The following RREB1 variants were observed in gnomAD, a reference collection of about 807,000 sequenced individuals.
RREB1 encodes ras-responsive element-binding protein 1.
Under a neutral mutation model 117.8 loss-of-function variants are expected in RREB1, and 27 were observed. The ratio of observed to expected loss-of-function variants is 0.23; its 90% confidence interval spans 0.17 to 0.32. RREB1 has a LOEUF of 0.32. Ranked by LOEUF, RREB1 falls within the 10% of genes least tolerant of loss-of-function variation. The pLI is 1.00. For missense variants in RREB1, 2,577 were observed against 2,378.2 expected (o/e 1.08, Z -1.74); for synonymous variants, 1,298 against 1,026.7 (o/e 1.26, Z -5.05).
intron 1 of RREB1, among the ~76,000 whole-genome samples, chr6:7,152,571 GTGTTTACCTTTTTTTTC>G (rs1343929377): frequency 1.3e-5 from 2 of 152,170 alleles, no homozygotes; most frequent in African/African-American, 4.8e-5. Context: ...CATCACATGA[GTGTTTACCTTTTTTTTC>G]CTTTCCTTTT....
intron 1 of RREB1, among the ~76,000 whole-genome samples, chr6:7,173,345 C>T (rs1561760010): frequency 6.6e-6 from 1 of 151,514 alleles, no homozygotes; most frequent in Admixed American, 6.6e-5. Context: ...GGCGAAACCC[C>T]GTCTCTACTA....
chr6:7,210,782 T>C, intron 6 of RREB1, 22 bp from the exon 7 acceptor site: 1 of 1,598,622 alleles, frequency 6.3e-7, no homozygotes, highest in Non-Finnish European at 8.5e-7. Context: ...GATCACATTG[T>C]GTGTGTGTTT....
intron 8 of RREB1, among the ~76,000 whole-genome samples, chr6:7,222,783 G>A (rs866412484): frequency 1.3e-5 from 2 of 150,738 alleles, no homozygotes; most frequent in South Asian, 2.1e-4. Context: ...GCAACATAGC[G>A]AGCCTGCCTC....
At chr6:7,165,518 A>G (rs1445091541) in intron 1 of RREB1, among the ~76,000 whole-genome samples, 1 of 152,244 alleles carries the variant, frequency 6.6e-6, no homozygotes. Context: ...ATTTCATGTC[A>G]TGAAAATACT....
chr6:7,201,053 G>GTGA (rs1765947387), intron 6 of RREB1, among the ~76,000 whole-genome samples: 3 of 152,240 alleles, frequency 2.0e-5, no homozygotes, highest in African/African-American at 7.2e-5. Flanking sequence ...GCAGGCAGTG[G>GTGA]TGAGAGTGAG....
chr6:7,132,307 G>A (rs558967964), intron 1 of RREB1, among the ~76,000 whole-genome samples: 54 of 152,088 alleles, frequency 3.6e-4, no homozygotes, highest in African/African-American at 1.2e-3. Context: ...TACCTGCCTC[G>A]GCCTTCCAAA....
intron 3 of RREB1, 21 bp from the exon 4 acceptor site, chr6:7,181,849 T>A (rs1229716978): frequency 6.4e-7 from 1 of 1,557,502 alleles, no homozygotes; most frequent in Non-Finnish European, 8.9e-7. Flanking sequence ...CATGATCACA[T>A]CAGCAATTTC....
intron 1 of RREB1, among the ~76,000 whole-genome samples, chr6:7,109,460 C>A (rs1011518719): frequency 9.8e-5 from 14 of 143,200 alleles, no homozygotes; most frequent in African/African-American, 1.5e-4. Context: ...CGCGGCCGCG[C>A]GTGAGTGCGG....
intron 1 of RREB1, among the ~76,000 whole-genome samples, chr6:7,129,976 C>G (rs182169937): frequency 9.8e-5 from 15 of 152,326 alleles, no homozygotes; most frequent in African/African-American, 3.6e-4. Flanking sequence ...GGTCAGTCAG[C>G]ACACCTGGCC....
Position 7,230,821 on chromosome 6 carries a change from G to T in RREB1, c.2722G>T (p.Ala908Ser), listed in dbSNP as rs1411060024. 3 of 1,614,234 alleles carry T rather than the reference G, an allele frequency of 1.9e-6. No homozygotes were observed. In the East Asian group the frequency reaches 6.7e-5, roughly 36 times the overall value. Residue 908 changes from alanine (A) to serine (S), a missense_variant, in exon 10 of 13, where the codon GCC becomes TCC. Ala to Ser is a moderately conservative substitution (Grantham distance 99). Coordinates refer to ENST00000379938, the MANE Select transcript of RREB1 (RefSeq NM_001003699.4). ...CCTGGACTTCTCGCAGAAGGGCCTG[G>T]CCCTGGTCCAAGTGAAGCAGGAAAA... ...EPLDFSQKGL[A>S]LVQVKQENIS...
intron 1 of RREB1, among the ~76,000 whole-genome samples, chr6:7,155,611 A>G (rs1053055949): frequency 2.0e-5 from 3 of 152,264 alleles, no homozygotes; most frequent in African/African-American, 7.2e-5. Flanking sequence ...GCATCCGGCC[A>G]GGACTTAAGT....
At chr6:7,120,097 ACCCCCCG>A (rs1761607088) in intron 1 of RREB1, among the ~76,000 whole-genome samples, 1 of 132,108 alleles carries the variant, frequency 7.6e-6, no homozygotes, top group Non-Finnish European at 1.6e-5. Flanking sequence ...CCCCACCCCC[ACCCCCCG>A]CCCGCCTTTT....
At chr6:7,225,150 T>A (rs1424398433) in intron 8 of RREB1, among the ~76,000 whole-genome samples, 1 of 152,176 alleles carries the variant, frequency 6.6e-6, no homozygotes, top group African/African-American at 2.4e-5. Flanking sequence ...GTACATGCAG[T>A]GTGGACGTAA....
At chr6:7,199,747 T>G (rs1333981896) in intron 6 of RREB1, among the ~76,000 whole-genome samples, 1 of 152,058 alleles carries the variant, frequency 6.6e-6, no homozygotes, top group Non-Finnish European at 1.5e-5. Flanking sequence ...CACTGCAACC[T>G]CAACCTCCCA....
At chr6:7,126,055 G>C (rs187075951) in intron 1 of RREB1, among the ~76,000 whole-genome samples, 23 of 152,316 alleles carry the variant, frequency 1.5e-4, no homozygotes, top group African/African-American at 5.1e-4. Context: ...AAGCTGGAGT[G>C]CAGTGGCACG....
At chr6:7,245,322 G>C (rs1362309416) in intron 11 of RREB1, among the ~76,000 whole-genome samples, 2 of 152,160 alleles carry the variant, frequency 1.3e-5, no homozygotes, top group Admixed American at 6.5e-5. Context: ...TTGAACCCGG[G>C]AGGTGGAGGT....
intron 6 of RREB1, among the ~76,000 whole-genome samples, chr6:7,194,789 C>A (rs552162438): frequency 6.6e-6 from 1 of 152,268 alleles, no homozygotes; most frequent in East Asian, 1.9e-4. Flanking sequence ...TTACAGTGTA[C>A]TATGGACATG....
chr6:7,229,777 G>A lies in RREB1; in HGVS notation c.1678G>A (p.Ala560Thr), dbSNP rs781471057. 2.3e-5 allele frequency: 37 copies of A among 1,606,470 alleles called. No individual in the cohort carries two copies. In the Admixed American group the frequency reaches 2.3e-4, roughly 10 times the overall value. The change falls in exon 10 of 13, where the codon GCC (alanine) becomes ACC (threonine). Residue 560 changes from alanine (A) to threonine (T), a missense_variant. Physicochemically the swap from Ala to Thr is moderately conservative, Grantham distance 58. Coordinates refer to ENST00000379938, the MANE Select transcript of RREB1 (RefSeq NM_001003699.4). This position sits in a 1 kb window ranked among gnomAD's most constrained non-coding sequence, Gnocchi z 4.5. Reference protein sequence around the residue: ...LKGSVEAASNAHLLQSKSGTQ... With the variant: ...LKGSVEAASNTHLLQSKSGTQ... ...AGGCTCAGTGGAGGCGGCCTCCAACGCCCACCTGCTGCAGTCCAAGTCCGG... is the reference window on the plus strand; with the variant it reads ...AGGCTCAGTGGAGGCGGCCTCCAACACCCACCTGCTGCAGTCCAAGTCCGG...
In RREB1 at chr6:7,251,339, C is replaced by G. The variant is rs1171831703; in HGVS notation, c.*2371C>G. 3 of 151,940 alleles carry G rather than the reference C, an allele frequency of 2.0e-5. No individual in the cohort carries two copies. Among genetic ancestry groups the G allele is most frequent in the Non-Finnish European group, 2.9e-5 (2 of 67,994 alleles). 9.4% of individuals were successfully genotyped at this position (151,940 alleles called of 1,614,324 possible). A position where few individuals can be genotyped will look rare whatever the true frequency, so the allele number is the denominator to read the frequency against. ...CTGTGAAATTTGTGATTTGTTTAAA[C>G]TCTGGGTGAATCATAGCTTAGTTTG... On this transcript the variant is annotated 3_prime_UTR_variant, in exon 13 of 13. Coordinates refer to ENST00000379938, the MANE Select transcript of RREB1 (RefSeq NM_001003699.4).
Sources: gnomAD v4.1 joint callset for allele counts (sites outside exome capture counted in the v4.1 genomes callset) on GRCh38, gnomAD v4.1.1 for gene constraint, Gnocchi (gnomAD v3.1) non-coding constraint, MANE v1.5 for transcripts, NCBI Gene and HGNC (gene_info 2026-07-23, HGNC 2026-07-21) for gene names.